The following BICC1 variants were observed in gnomAD, a reference collection of about 807,000 sequenced individuals.
BICC1 encodes the protein BicC family RNA binding protein 1.
Under a neutral mutation model 111.0 loss-of-function variants are expected in BICC1, and 43 were observed. The ratio of observed to expected loss-of-function variants is 0.39; its 90% CI spans 0.30 to 0.50. BICC1 has a LOEUF of 0.50. BICC1 is among the 20% of genes least tolerant of loss of function. The pLI, the probability that BICC1 is intolerant of heterozygous loss-of-function variation, is 0.88. For synonymous variants in BICC1, 467 were observed against 434.4 expected, an observed-to-expected ratio of 1.07 and a Z score of -0.93; for missense variants, 1,091 against 1,203.2, an observed-to-expected ratio of 0.91 and a Z score of 1.38.
chr10:58,571,861 T>C (rs1211068108), intron 1 of BICC1, among the ~76,000 whole-genome samples: 2 of 152,130 alleles, frequency 1.3e-5, no homozygotes, highest in Admixed American at 1.3e-4. Context: ...AGAAATGGGA[T>C]TATTGTGTCG....
intron 3 of BICC1, among the ~76,000 whole-genome samples, chr10:58,780,758 T>C (rs950954848): frequency 6.6e-6 from 1 of 152,144 alleles, no homozygotes; most frequent in Non-Finnish European, 1.5e-5. Flanking sequence ...TTTAAAAGCA[T>C]AACTAAACTT....
chr10:58,690,183 T>G (rs528201621), intron 2 of BICC1, among the ~76,000 whole-genome samples: 1 of 152,296 alleles, frequency 6.6e-6, no homozygotes, highest in South Asian at 2.1e-4. Flanking sequence ...ACCCCTAAAC[T>G]TTTCTGGCAG....
At chr10:58,758,326 A>G (rs570822329) in intron 3 of BICC1, among the ~76,000 whole-genome samples, 2 of 152,210 alleles carry the variant, frequency 1.3e-5, no homozygotes, top group Non-Finnish European at 2.9e-5. Context: ...ATAAGTGCCT[A>G]AAGGTTGCTA....
chr10:58,612,080 A>T (rs1165874392), intron 1 of BICC1, among the ~76,000 whole-genome samples: 1 of 152,230 alleles, frequency 6.6e-6, no homozygotes, highest in East Asian at 1.9e-4. Flanking sequence ...TCTCACACTT[A>T]TGAGATACAG....
chr10:58,650,620 G>A (rs1481959094), intron 2 of BICC1: 1 of 152,058 alleles, frequency 6.6e-6, no homozygotes, highest in Non-Finnish European at 1.5e-5. Context: ...GGCTCAAATG[G>A]GGCTGTCAGG....
intron 2 of BICC1, among the ~76,000 whole-genome samples, chr10:58,670,286 T>C (rs750913273): frequency 5.3e-5 from 8 of 152,162 alleles, no homozygotes; most frequent in Non-Finnish European, 1.0e-4. Context: ...ATTTCTTACA[T>C]AGCTTTTTTG....
intron 18 of BICC1, among the ~76,000 whole-genome samples, chr10:58,816,555 C>T (rs1270135324): frequency 6.6e-6 from 1 of 152,076 alleles, no homozygotes; most frequent in African/African-American, 2.4e-5. Context: ...CTAGATTTGG[C>T]AGACACATGG....
intron 2 of BICC1, among the ~76,000 whole-genome samples, chr10:58,672,676 C>G (rs1458638910): frequency 6.6e-6 from 1 of 152,134 alleles, no homozygotes; most frequent in African/African-American, 2.4e-5. Flanking sequence ...GCTGTCTTGG[C>G]CACCATCCTT....
At position 58,672,633 on chromosome 10, in the gene BICC1, T is replaced by C. The variant is rs544466137; in HGVS notation, c.238-29441T>C. On this transcript the variant is annotated intron_variant, in intron 2 of 20. Transcript: ENST00000373886. ...GTGTTTGACAGTTTGTTTCCCTGTA[T>C]GTACTATAAGCCTCACAAGAGCAGG... Among the ~76,000 whole-genome samples, 44 of 152,302 alleles carry C rather than the reference T, an allele frequency of 2.9e-4. 1 individual carries two copies. The highest frequency in any genetic ancestry group is 1.0e-3 in the African/African-American group (43 of 41,574).
chr10:58,624,750 C>A (rs566415241), intron 2 of BICC1, among the ~76,000 whole-genome samples: 1 of 152,052 alleles, frequency 6.6e-6, no homozygotes, highest in East Asian at 1.9e-4. Context: ...TGCGCCACCA[C>A]GCCCAGTTAA....
intron 1 of BICC1, among the ~76,000 whole-genome samples, chr10:58,530,216 C>T (rs1241860424): frequency 6.6e-6 from 1 of 151,708 alleles, no homozygotes; most frequent in Non-Finnish European, 1.5e-5. Flanking sequence ...ACCTCCACCC[C>T]ACAAGACCAA....
At chr10:58,686,336 A>G (rs1386615682) in intron 2 of BICC1, among the ~76,000 whole-genome samples, 5 of 151,984 alleles carry the variant, frequency 3.3e-5, no homozygotes, top group Non-Finnish European at 7.4e-5. Flanking sequence ...TCTGACAATT[A>G]TGTGTCTTGG....
In BICC1 at chr10:58,585,162, G is replaced by A. The variant is rs57363467; in HGVS notation, c.191-35693G>A. Among the ~76,000 whole-genome samples, 1,003 of 152,236 alleles carry A rather than the reference G, an allele frequency of 6.6e-3. 13 individuals are homozygous for A. The highest frequency in any genetic ancestry group is 0.023 in the African/African-American group (948 of 41,528). On this transcript the variant is annotated intron_variant, in intron 1 of 20. Coordinates refer to ENST00000373886, the MANE Select transcript of BICC1 (RefSeq NM_001080512.3). Reference sequence around the variant, plus strand: ...TGTTGAATAAGACTAACATATTTAGGTAGCATTTCAGTATTGCTATTTTTT... The same window carrying A: ...TGTTGAATAAGACTAACATATTTAGATAGCATTTCAGTATTGCTATTTTTT...
At chr10:58,518,689 T>C (rs2132504839) in intron 1 of BICC1, among the ~76,000 whole-genome samples, 1 of 152,154 alleles carries the variant, frequency 6.6e-6, no homozygotes. Context: ...AGAGCATAGT[T>C]GCAATTAAAA....
intron 2 of BICC1, among the ~76,000 whole-genome samples, chr10:58,674,588 G>T (rs1839282975): frequency 6.6e-6 from 1 of 152,140 alleles, no homozygotes. Context: ...AAAGGAAAGT[G>T]ATTCTACCTG....
chr10:58,589,224 C>G (rs936754329), intron 1 of BICC1, among the ~76,000 whole-genome samples: 2 of 152,142 alleles, frequency 1.3e-5, no homozygotes, highest in East Asian at 1.9e-4. Flanking sequence ...ATTTCACTTT[C>G]TCACCTCCCT....
intron 3 of BICC1, among the ~76,000 whole-genome samples, chr10:58,751,835 C>G (rs570526744): frequency 5.1e-4 from 78 of 152,096 alleles, no homozygotes; most frequent in African/African-American, 1.5e-3. Context: ...GGTTTGGAAC[C>G]AAAAACCACA....
At chr10:58,526,123 T>C (rs940563501) in intron 1 of BICC1, among the ~76,000 whole-genome samples, 1 of 151,958 alleles carries the variant, frequency 6.6e-6, no homozygotes, top group African/African-American at 2.4e-5. Flanking sequence ...TCTTTGGTGA[T>C]TTATGCCTGT....
chr10:58,782,446 G>A (rs1274721619), intron 3 of BICC1, among the ~76,000 whole-genome samples: 2 of 152,168 alleles, frequency 1.3e-5, no homozygotes, highest in East Asian at 1.9e-4. Context: ...TGCTGTTTCT[G>A]TACTTGAGTT....
Sources: gnomAD v4.1 joint callset for allele counts (sites outside exome capture counted in the v4.1 genomes callset) on GRCh38, gnomAD v4.1.1 for gene constraint, MANE v1.5 for transcripts, NCBI Gene and HGNC (gene_info 2026-07-23, HGNC 2026-07-21) for gene names.